The following WDR3 variants were observed in gnomAD, a reference collection of about 807,000 sequenced individuals.
WDR3 encodes WD repeat domain 3.
Under a neutral mutation model 123.7 loss-of-function variants are expected in WDR3, and 81 were observed. The observed-to-expected ratio is 0.65, with a 90% CI of 0.55 to 0.79. WDR3 has a LOEUF of 0.79. Ranked by LOEUF, WDR3 falls within the 30% of genes least tolerant of loss-of-function variation. The pLI is 0.00. For missense variants in WDR3, 1,027 were observed against 1,123.2 expected, an observed-to-expected ratio of 0.91 and a Z score of 1.22; for synonymous variants, 390 against 388.8, an observed-to-expected ratio of 1.00 and a Z score of -0.04.
chr1:117,946,436 T>C (rs1651383070), intron 12 of WDR3, among the ~76,000 whole-genome samples: 1 of 152,190 alleles, frequency 6.6e-6, no homozygotes, highest in Non-Finnish European at 1.5e-5. Context: ...TGTCTTTTTA[T>C]GGGCGCATAT....
chr1:117,939,730 T>G (rs1389629871), intron 6 of WDR3, among the ~76,000 whole-genome samples, 158 bp downstream of exon 6: 1 of 152,238 alleles, frequency 6.6e-6, no homozygotes, highest in East Asian at 1.9e-4. Flanking sequence ...CTTCCTTATA[T>G]GCTCATTATC....
At chr1:117,939,918 T>A (rs544143002) in intron 6 of WDR3, among the ~76,000 whole-genome samples, 2 of 152,326 alleles carry the variant, frequency 1.3e-5, no homozygotes, top group South Asian at 4.1e-4. Context: ...TTTATAAATA[T>A]GTATATTCTG....
intron 5 of WDR3, among the ~76,000 whole-genome samples, chr1:117,938,958 T>C (rs7515738): frequency 0.062 from 9,411 of 152,268 alleles, 693 homozygotes; most frequent in African/African-American, 0.17. Flanking sequence ...GTTTTTTATA[T>C]ATCTTTGCAT....
At chr1:117,955,569 G>A (rs1274041488) in intron 24 of WDR3, among the ~76,000 whole-genome samples, 1 of 152,008 alleles carries the variant, frequency 6.6e-6, no homozygotes, top group Non-Finnish European at 1.5e-5. Flanking sequence ...ATGCTTTTAA[G>A]GACAAATAAA....
chr1:117,938,577 G>A lies in WDR3; in HGVS notation c.579+19G>A. On this transcript the variant is annotated intron_variant, in intron 5 of 26. Transcript: ENST00000349139. ...GACTGAGGTAAGTGTAGGGTCATGG[G>A]CCCAGGGAAATAATGGGAAGGCAAA... 1 of 1,604,932 alleles carries A rather than the reference G, an allele frequency of 6.2e-7. No homozygotes were observed. Among genetic ancestry groups the A allele is most frequent in the Non-Finnish European group, 8.5e-7 (1 of 1,176,352 alleles).
chr1:117,952,312 G>T lies in WDR3; in HGVS notation c.1920G>T (p.Gln640His). Residue 640 changes from glutamine (Q) to histidine (H), a missense_variant, in exon 18 of 27, where the codon CAG becomes CAT. Gln to His is a conservative substitution (Grantham distance 24, BLOSUM62 0). Transcript: ENST00000349139. ...FAHDDSVMYL[Q>H]FVPKSHLFFT... ...CACTTTTCAGTGTGATGTACCTACA[G>T]TTTGTACCCAAGTCTCACCTCTTCT... The T allele has an allele frequency of 6.2e-7, 1 of 1,611,928 alleles. No homozygotes were observed. Among genetic ancestry groups the T allele is most frequent in the South Asian group, 1.1e-5 (1 of 90,630 alleles).
In WDR3 at chr1:117,950,906, A is replaced by C. The variant is rs890011489; in HGVS notation, c.1803+16A>C. On this transcript the variant is annotated intron_variant, in intron 16 of 26. Transcript: ENST00000349139. ...CATCTCTCATGTAAGTAGTTTAAAT[A>C]GTGTCTCAGTAATATGTTGTCTTTT... The C allele has an allele frequency of 9.4e-6, 15 of 1,598,748 alleles. No homozygotes were observed. Among genetic ancestry groups the C allele is most frequent in the Non-Finnish European group, 1.3e-5 (15 of 1,172,722 alleles).
chr1:117,940,752 A>G, intron 6 of WDR3, 75 bp from the exon 7 acceptor site: 1 of 1,081,108 alleles, frequency 9.2e-7, no homozygotes, highest in East Asian at 2.7e-5. Flanking sequence ...ACAACAACAA[A>G]ACAACAACAA....
At position 117,941,077 on chromosome 1, in the gene WDR3, C is replaced by T. The variant is rs1258719795; in HGVS notation, c.790-47C>T. The T allele has an allele frequency of 1.9e-6, 3 of 1,601,626 alleles. No individual in the cohort carries two copies. In the African/African-American group the frequency reaches 4.0e-5, roughly 22 times the overall value. On this transcript the variant is annotated intron_variant, in intron 7 of 26. Coordinates refer to ENST00000349139, the MANE Select transcript of WDR3 (RefSeq NM_006784.3). ...TAGAATTATGTTTTTTTCAGAAGTT[C>T]AGCAGAACTTACATCTAACCTTCAT...
intron 23 of WDR3, 170 bp from the exon 24 acceptor site, chr1:117,955,145 G>C (rs1395315792): frequency 3.9e-6 from 2 of 517,020 alleles, no homozygotes; most frequent in Non-Finnish European, 6.8e-6. Flanking sequence ...GCAGAGTTCA[G>C]TTGTCAACCC....
At chr1:117,934,370 A>G in intron 2 of WDR3, 103 bp from the exon 3 acceptor site, 1 of 1,083,760 alleles carries the variant, frequency 9.2e-7, no homozygotes, top group Non-Finnish European at 1.3e-6. Flanking sequence ...AGTAATTTGG[A>G]ATTATTGGTG....
intron 4 of WDR3, 118 bp downstream of exon 4, chr1:117,937,005 G>C: frequency 2.8e-6 from 2 of 718,292 alleles, no homozygotes; most frequent in Non-Finnish European, 4.7e-6. Context: ...TTTCTCTCCT[G>C]TTCTCCTGCA....
rs1362169856 is a variant in WDR3 at position 117,962,792 on chromosome 1, A to G, written c.*3345A>G. ...AGAGATCTAGGACAGTGCCCAGGAA[A>G]GCAATGGTATCTGTTGGTAGGTACA... On this transcript the variant is annotated 3_prime_UTR_variant, in exon 27 of 27. Transcript: ENST00000349139. 1.3e-5 allele frequency: 2 copies of G among 152,234 alleles called. No homozygotes were observed. The highest frequency in any genetic ancestry group is 6.5e-5 in the Admixed American group (1 of 15,274). 9.4% of individuals were successfully genotyped at this position (152,234 alleles called of 1,614,324 possible). A position where few individuals can be genotyped will look rare whatever the true frequency, so the allele number is the denominator to read the frequency against.
intron 10 of WDR3, among the ~76,000 whole-genome samples, chr1:117,943,168 G>T (rs998352409): frequency 1.3e-5 from 2 of 152,046 alleles, no homozygotes; most frequent in African/African-American, 4.8e-5. Flanking sequence ...GGCCAGGCTG[G>T]TCTCAAACTC....
rs1653441814 is a variant in WDR3, at chr1:117,963,804, G to A, written c.*4357G>A. The stretch of plus-strand genomic sequence containing the variant: ...CCATTTATTACTTACTGTACCTAAT[G>A]TGGAGAAACTTTACGAGACATGAAG... On this transcript the variant is annotated 3_prime_UTR_variant, in exon 27 of 27. Coordinates refer to ENST00000349139, the MANE Select transcript of WDR3 (RefSeq NM_006784.3). The A allele has an allele frequency of 1.2e-6, 2 of 1,611,706 alleles. No individual in the cohort carries two copies. Among genetic ancestry groups the A allele is most frequent in the Non-Finnish European group, 1.7e-6 (2 of 1,178,560 alleles).
intron 11 of WDR3, 103 bp downstream of exon 11, chr1:117,943,729 C>A (rs1221186411): frequency 4.0e-6 from 4 of 1,006,130 alleles, no homozygotes; most frequent in South Asian, 1.8e-5. Flanking sequence ...GCCCTAAATA[C>A]AATTATCTTT....
chr1:117,934,343 T>G, intron 2 of WDR3, 130 bp from the exon 3 acceptor site: 4 of 825,018 alleles, frequency 4.8e-6, no homozygotes, highest in Non-Finnish European at 7.4e-6. Flanking sequence ...TTGTGGAGTT[T>G]CATTTTTATT....
At chr1:117,954,130 CAATA>C (rs1651813223) in intron 22 of WDR3, 31 bp downstream of exon 22, 8 of 1,556,056 alleles carry the variant, frequency 5.1e-6, no homozygotes, top group African/African-American at 1.4e-5. Flanking sequence ...GTTACAGTAT[CAATA>C]AAGGGAATTC....
At chr1:117,946,907 C>T (rs1365776357) in intron 12 of WDR3, among the ~76,000 whole-genome samples, 1 of 143,106 alleles carries the variant, frequency 7.0e-6, no homozygotes, top group Non-Finnish European at 1.5e-5. Context: ...TACCACTGCA[C>T]TCCAGCCTGG....
Sources: allele counts gnomAD v4.1 joint callset (sites outside exome capture counted in the v4.1 genomes callset), GRCh38; gene constraint gnomAD v4.1.1; transcripts MANE v1.5; gene names NCBI Gene and HGNC (gene_info 2026-07-23, HGNC 2026-07-21).